RAMP1: variants seen among roughly 807,000 people sequenced by gnomAD.
RAMP1 encodes receptor activity modifying protein 1.
Under a neutral mutation model 8.2 loss-of-function variants are expected in RAMP1, and 7 were observed. The observed-to-expected ratio is 0.85, with a 90% CI of 0.49 to 1.60. The LOEUF (loss-of-function observed/expected upper bound fraction) is 1.60. Among genes scored for constraint, RAMP1 ranks in the 40% most tolerant of loss-of-function variants. RAMP1 has a pLI of 0.00. For synonymous variants in RAMP1, 92 were observed against 84.7 expected (o/e 1.09, Z -0.47); for missense variants, 192 against 202.4 (o/e 0.95, Z 0.31).
chr2:237,859,223 G>A (rs748918259), upstream of RAMP1: 1 of 152,380 alleles, frequency 6.6e-6, no homozygotes, highest in African/African-American at 2.4e-5. Context: ...TGGGCGGAGA[G>A]GTAGATAAGG....
intron 2 of RAMP1, among the ~76,000 whole-genome samples, chr2:237,890,999 TTCCTAAGATATGATTTCAA>T (rs1368799025): frequency 6.6e-6 from 1 of 152,210 alleles, no homozygotes; most frequent in Non-Finnish European, 1.5e-5. Flanking sequence ...AATTGTTTCT[TTCCTAAGATATGATTTCAA>T]TCCTTAGTTC....
intron 2 of RAMP1, among the ~76,000 whole-genome samples, chr2:237,902,515 G>A (rs930229976): frequency 1.3e-5 from 2 of 152,064 alleles, no homozygotes; most frequent in Non-Finnish European, 2.9e-5. Context: ...CCTGCCCCCA[G>A]GGCCCACCCC....
At chr2:237,874,895 G>A (rs952110049) in intron 1 of RAMP1, among the ~76,000 whole-genome samples, 5 of 152,170 alleles carry the variant, frequency 3.3e-5, no homozygotes, top group African/African-American at 4.8e-5. Context: ...AAGGGGGCAG[G>A]CTTCCCATAG....
chr2:237,881,488 A>G (rs1275412050), intron 2 of RAMP1, among the ~76,000 whole-genome samples: 1 of 152,226 alleles, frequency 6.6e-6, no homozygotes, highest in African/African-American at 2.4e-5. Flanking sequence ...GGAATGTGTT[A>G]GGTTTTGCAA....
chr2:237,910,169 T>G (rs1011029265), intron 2 of RAMP1, among the ~76,000 whole-genome samples: 4 of 151,342 alleles, frequency 2.6e-5, no homozygotes, highest in African/African-American at 7.3e-5. Flanking sequence ...CAGTCACACG[T>G]GCACACACAG....
intron 1 of RAMP1, among the ~76,000 whole-genome samples, chr2:237,864,170 C>A (rs368974377): frequency 6.6e-6 from 1 of 152,092 alleles, no homozygotes; most frequent in African/African-American, 2.4e-5. Flanking sequence ...TGGGCCAGCT[C>A]ACTCCAGGGG....
intron 2 of RAMP1, among the ~76,000 whole-genome samples, chr2:237,910,864 CACAG>C (rs2062705246): frequency 1.3e-5 from 2 of 151,824 alleles, no homozygotes; most frequent in African/African-American, 4.8e-5. Context: ...TACAGCCACA[CACAG>C]AGAATAACAG....
intron 2 of RAMP1, among the ~76,000 whole-genome samples, chr2:237,879,605 A>C: frequency 8.0e-6 from 1 of 125,676 alleles, no homozygotes; most frequent in Non-Finnish European, 1.7e-5. Context: ...TCGTCATTTA[A>C]TGGGTTCAGC....
In RAMP1 at chr2:237,877,421, G is replaced by A; in HGVS notation, c.191+59G>A. ...GTTGGGGAGGGAGAGGGGGCAAGCGGAGGAGGAGTGGACCACGTGGGAGCT... is the reference window on the plus strand; with the variant it reads ...GTTGGGGAGGGAGAGGGGGCAAGCGAAGGAGGAGTGGACCACGTGGGAGCT... On this transcript the variant is annotated intron_variant, in intron 2 of 2. Coordinates refer to ENST00000254661, the MANE Select transcript of RAMP1 (RefSeq NM_005855.4). This position sits in a 1 kb window ranked among gnomAD's most constrained non-coding sequence, Gnocchi z 4.4. 1 of 1,570,704 alleles carries A rather than the reference G, an allele frequency of 6.4e-7. No individual in the cohort carries two copies. Among genetic ancestry groups the A allele is most frequent in the Non-Finnish European group, 8.6e-7 (1 of 1,158,770 alleles).
Position 237,910,920 on chromosome 2 carries a change from CAG to C in RAMP1, c.192-605_192-604del, listed in dbSNP as rs372325229. Among the ~76,000 whole-genome samples the C allele has an allele frequency of 6.1e-4, 93 of 151,818 alleles. No homozygotes were observed. In the East Asian group the frequency reaches 0.015, roughly 25 times the overall value. On this transcript the variant is annotated intron_variant, in intron 2 of 2. Transcript: ENST00000254661. The stretch of plus-strand genomic sequence containing the variant: ...ACACAGAATAACACAGTCATCCACA[CAG>C]AGTCACACACAGAATAACAGTCACA...
At position 237,911,732 on chromosome 2, in the gene RAMP1, G is replaced by C. The variant is rs896384177; in HGVS notation, c.396G>C (p.Leu132=). Residue 132 remains leucine (L), a synonymous_variant, in exon 3 of 3, where the codon CTG becomes CTC. Transcript: ENST00000254661. ...FIVVPITVTL[L]VTALVVWQSK... ...TGGTCCCCATCACGGTGACCCTGCT[G>C]GTGACGGCACTGGTGGTCTGGCAGA... is the stretch of plus-strand genomic sequence containing the variant. The C allele has an allele frequency of 1.2e-6, 2 of 1,613,298 alleles. No homozygotes were observed. Among genetic ancestry groups the C allele is most frequent in the African/African-American group, 1.3e-5 (1 of 74,920 alleles).
Position 237,877,122 on chromosome 2 carries a change from C to G in RAMP1, c.53-102C>G, listed in dbSNP as rs2062313780. On this transcript the variant is annotated intron_variant, in intron 1 of 2. Transcript: ENST00000254661. The surrounding 1 kb of genome is among the most constrained non-coding windows in gnomAD (Gnocchi z 4.4). ...CCTCTCCAGGGGTTGCTTAGAGGCCCCGTTCTCGTGGAGTCCGGGCTGCAG... is the reference window on the plus strand; with the variant it reads ...CCTCTCCAGGGGTTGCTTAGAGGCCGCGTTCTCGTGGAGTCCGGGCTGCAG... The G allele has an allele frequency of 6.0e-6, 9 of 1,498,872 alleles. No homozygotes were observed. Among genetic ancestry groups the G allele is most frequent in the Non-Finnish European group, 8.2e-6 (9 of 1,090,976 alleles). 92.8% of individuals were successfully genotyped at this position (1,498,872 alleles called of 1,614,324 possible).
chr2:237,884,941 C>T (rs554065792), intron 2 of RAMP1, among the ~76,000 whole-genome samples: 132 of 152,320 alleles, frequency 8.7e-4, no homozygotes, highest in Non-Finnish European at 1.7e-3. Flanking sequence ...TGCAGCCCAG[C>T]GTGGTAGTTG....
At chr2:237,903,577 G>GGT (rs1244748370) in intron 2 of RAMP1, among the ~76,000 whole-genome samples, 17 of 152,116 alleles carry the variant, frequency 1.1e-4, no homozygotes, top group Non-Finnish European at 1.5e-5. Flanking sequence ...GGAGTGCAGT[G>GGT]GCAGGAACAT....
intron 2 of RAMP1, among the ~76,000 whole-genome samples, chr2:237,907,616 C>CTTTGGCATTCCT (rs1395356710): frequency 2.0e-5 from 3 of 152,118 alleles, no homozygotes; most frequent in Non-Finnish European, 4.4e-5. Flanking sequence ...AAGGAATTCT[C>CTTTGGCATTCCT]TCTGATGCCA....
At chr2:237,890,473 A>T (rs887447453) in intron 2 of RAMP1, among the ~76,000 whole-genome samples, 1 of 152,212 alleles carries the variant, frequency 6.6e-6, no homozygotes, top group Admixed American at 6.5e-5. Flanking sequence ...AAGTGCTGGG[A>T]TTACAGGCAT....
At chr2:237,893,759 C>T (rs1045350186) in intron 2 of RAMP1, among the ~76,000 whole-genome samples, 13 of 151,902 alleles carry the variant, frequency 8.6e-5, no homozygotes, top group South Asian at 2.1e-4. Flanking sequence ...AGCAACATGG[C>T]GAAACCCTGT....
chr2:237,880,357 A>G (rs1246706680), intron 2 of RAMP1, among the ~76,000 whole-genome samples: 1 of 152,094 alleles, frequency 6.6e-6, no homozygotes, highest in African/African-American at 2.4e-5. Flanking sequence ...GTTTTTGAGC[A>G]CTTTCTTTCT....
At chr2:237,872,125 G>A (rs1369377016) in intron 1 of RAMP1, among the ~76,000 whole-genome samples, 1 of 152,176 alleles carries the variant, frequency 6.6e-6, no homozygotes, top group South Asian at 2.1e-4. Flanking sequence ...GGTTCTTAGC[G>A]GGGGCTTCAG....
Sources: allele counts gnomAD v4.1 joint callset (sites outside exome capture counted in the v4.1 genomes callset), GRCh38; gene constraint gnomAD v4.1.1; non-coding constraint Gnocchi (gnomAD v3.1); transcripts MANE v1.5; gene names NCBI Gene and HGNC (gene_info 2026-07-23, HGNC 2026-07-21).